The following DGCR2 variants were observed in gnomAD, a reference collection of about 807,000 sequenced individuals.
DGCR2 encodes the protein integral membrane protein DGCR2/IDD.
A neutral mutation model predicts 51.6 loss-of-function variants in DGCR2; 24 were observed. The ratio of observed to expected loss-of-function variants is 0.47; its 90% CI spans 0.34 to 0.65. DGCR2 has a LOEUF of 0.65. DGCR2 is among the 30% of genes least tolerant of loss of function. The pLI, the probability that DGCR2 is intolerant of heterozygous loss-of-function variation, is 0.01. For missense variants in DGCR2, 765 were observed against 772.1 expected (o/e 0.99, Z 0.11); for synonymous variants, 340 against 315.4 (o/e 1.08, Z -0.82).
intron 6 of DGCR2, among the ~76,000 whole-genome samples, chr22:19,049,628 A>G (rs1383736972): frequency 1.3e-5 from 2 of 152,130 alleles, no homozygotes; most frequent in East Asian, 3.9e-4. Flanking sequence ...GGAGTTCAAG[A>G]CCAGCCTGGC....
intron 2 of DGCR2, among the ~76,000 whole-genome samples, chr22:19,083,841 G>A (rs1199295833): frequency 3.3e-5 from 5 of 151,398 alleles, no homozygotes; most frequent in Admixed American, 2.6e-4. Context: ...GCCTCAGCCT[G>A]CCGAGTGCCT....
At chr22:19,105,855 C>T (rs1456486015) in intron 1 of DGCR2, among the ~76,000 whole-genome samples, 2 of 152,100 alleles carry the variant, frequency 1.3e-5, no homozygotes, top group African/African-American at 4.8e-5. Flanking sequence ...ATGCCATCTG[C>T]CCTTTTATGG....
At chr22:19,074,168 G>A (rs1206701340) in intron 2 of DGCR2, among the ~76,000 whole-genome samples, 1 of 152,148 alleles carries the variant, frequency 6.6e-6, no homozygotes, top group African/African-American at 2.4e-5. Context: ...GCTCACGTCT[G>A]TAATCCCAGA....
Position 19,038,568 on chromosome 22 carries a change from TG to T in DGCR2, c.*296del. 1 of 450,524 alleles carries T rather than the reference TG, an allele frequency of 2.2e-6. No individual in the cohort carries two copies. The highest frequency in any genetic ancestry group is 4.0e-6 in the Non-Finnish European group (1 of 252,616). 27.9% of individuals were successfully genotyped at this position (450,524 alleles called of 1,614,324 possible). ...GGCCCACAGTACCTTCTTCATTCCCTGCCTCTAACATGTGCGGTCTGAATGA... is the reference window on the plus strand; with the variant it reads ...GGCCCACAGTACCTTCTTCATTCCCTCCTCTAACATGTGCGGTCTGAATGA... On this transcript the variant is annotated 3_prime_UTR_variant, in exon 10 of 10. Transcript: ENST00000263196.
chr22:19,063,136 G>C, intron 5 of DGCR2, 66 bp downstream of exon 5: 2 of 1,465,764 alleles, frequency 1.4e-6, no homozygotes, highest in Non-Finnish European at 1.9e-6. Flanking sequence ...AGAGGGAGGA[G>C]GGGAGGCCCC....
chr22:19,113,249 A>G (rs1198332568), intron 1 of DGCR2, among the ~76,000 whole-genome samples: 1 of 152,130 alleles, frequency 6.6e-6, no homozygotes, highest in Non-Finnish European at 1.5e-5. Context: ...GCATGCCTGT[A>G]GTTCCAGCTA....
intron 2 of DGCR2, among the ~76,000 whole-genome samples, chr22:19,077,045 G>T (rs1237672826): frequency 6.6e-6 from 1 of 151,954 alleles, no homozygotes; most frequent in Non-Finnish European, 1.5e-5. Context: ...TTTTAACCAG[G>T]ATATTTATTA....
In DGCR2 at chr22:19,038,609, C is replaced by A; in HGVS notation, c.*256G>T. On this transcript the variant is annotated 3_prime_UTR_variant, in exon 10 of 10. Coordinates refer to ENST00000263196, the MANE Select transcript of DGCR2 (RefSeq NM_005137.3). ...GGTCTGAATGAATTTTGTCACTCTT[C>A]TGCCATTTATAAAGGAGAAGACAGT... 6 of 549,358 alleles carry A rather than the reference C, an allele frequency of 1.1e-5. No homozygotes were observed. Among genetic ancestry groups the A allele is most frequent in the Middle Eastern group, 4.8e-4 (1 of 2,078 alleles). The allele number at this position is 549,358 out of a possible 1,614,324, so 34.0% of individuals were successfully genotyped here. A position where few individuals can be genotyped will look rare whatever the true frequency, so the allele number is the denominator to read the frequency against.
intron 1 of DGCR2, among the ~76,000 whole-genome samples, chr22:19,096,676 G>C (rs1488111026): frequency 6.6e-6 from 1 of 151,866 alleles, no homozygotes; most frequent in South Asian, 2.1e-4. Context: ...CTGAGAAAGA[G>C]TTCATTCACT....
Position 19,091,046 on chromosome 22 carries a change from C to A in DGCR2, c.80-1556G>T, listed in dbSNP as rs117932793. On this transcript the variant is annotated intron_variant, in intron 1 of 9. Transcript: ENST00000263196. ...GAATAAAAAAGATATACCATGTTAA[C>A]ACTAATCAAAGGATAGCTGGAAGGG... Among the ~76,000 whole-genome samples the A allele has an allele frequency of 2.0e-5, 3 of 148,412 alleles. No individual in the cohort carries two copies. The East Asian group carries it at 5.9e-4, about 29-fold the overall frequency.
At chr22:19,062,328 G>A (rs1219836082) in intron 5 of DGCR2, among the ~76,000 whole-genome samples, 1 of 152,128 alleles carries the variant, frequency 6.6e-6, no homozygotes, top group African/African-American at 2.4e-5. Flanking sequence ...CTCCTGCCCT[G>A]TCCCAGCAGC....
intron 1 of DGCR2, among the ~76,000 whole-genome samples, chr22:19,096,899 A>C (rs1252788037): frequency 2.0e-5 from 3 of 151,766 alleles, no homozygotes; most frequent in East Asian, 1.9e-4. Flanking sequence ...AAAAACAAAA[A>C]AAAAAAACAC....
chr22:19,074,996 T>C (rs1434464575), intron 2 of DGCR2, among the ~76,000 whole-genome samples: 1 of 152,222 alleles, frequency 6.6e-6, no homozygotes, highest in South Asian at 2.1e-4. Context: ...AATCCAAGGA[T>C]ACAATCTTTC....
intron 7 of DGCR2, chr22:19,046,914 T>G (rs2082496288): frequency 6.3e-6 from 1 of 159,842 alleles, no homozygotes; most frequent in African/African-American, 2.4e-5. Context: ...CTTACAAAGC[T>G]TGGACAGAGT....
At chr22:19,061,196 C>G (rs2082659194) in intron 5 of DGCR2, 1 of 176,406 alleles carries the variant, frequency 5.7e-6, no homozygotes. Context: ...TGCACCATGT[C>G]CCCAGGCAGG....
intron 1 of DGCR2, among the ~76,000 whole-genome samples, chr22:19,100,590 C>T (rs1023778455): frequency 6.7e-5 from 10 of 148,622 alleles, no homozygotes; most frequent in Non-Finnish European, 1.3e-4. Context: ...CGCTTGAATC[C>T]GGGAGACGGA....
chr22:19,089,425 A>AG lies in DGCR2; in HGVS notation c.144dup (p.Trp49LeufsTer4). ...CAAGTCGCCCAGCCGTCACACTGCC[A>AG]GGGGAGGGGGATGCACTGGATGGTG... On this transcript the variant is annotated frameshift_variant, in exon 2 of 10. Coordinates refer to ENST00000263196, the MANE Select transcript of DGCR2 (RefSeq NM_005137.3). LOFTEE classifies it high-confidence loss of function. 1 of 1,610,224 alleles carries AG rather than the reference A, an allele frequency of 6.2e-7. No homozygotes were observed. The highest frequency in any genetic ancestry group is 1.1e-5 in the South Asian group (1 of 90,314).
At chr22:19,087,765 A>C (rs1000177369) in intron 2 of DGCR2, among the ~76,000 whole-genome samples, 11 of 150,462 alleles carry the variant, frequency 7.3e-5, no homozygotes, top group African/African-American at 2.7e-4. Context: ...ACTCACTGCA[A>C]TCTCCTCCTC....
chr22:19,121,226 G>A lies in DGCR2; in HGVS notation c.79+902C>T, dbSNP rs149510901. ...AGAGTCATGCTTTTTCACTGTATTA[G>A]TATAAAGATGACTGTATTAATATAC... On this transcript the variant is annotated intron_variant, in intron 1 of 9. Transcript: ENST00000263196. Among the ~76,000 whole-genome samples, 9 of 152,236 alleles carry A rather than the reference G, an allele frequency of 5.9e-5. No homozygotes were observed. In the East Asian group the frequency reaches 1.7e-3, roughly 29 times the overall value.
Sources: allele counts gnomAD v4.1 joint callset (sites outside exome capture counted in the v4.1 genomes callset), GRCh38; gene constraint gnomAD v4.1.1; transcripts MANE v1.5; gene names NCBI Gene and HGNC (gene_info 2026-07-23, HGNC 2026-07-21).